APBA2: variants seen among roughly 807,000 people sequenced by gnomAD.
APBA2 encodes amyloid beta precursor protein binding family A member 2, also known as amyloid-beta A4 precursor protein-binding family A member 2.
In APBA2, 30 loss-of-function variants were observed where a neutral mutation model predicts 75.0. That is an observed-to-expected ratio of 0.40 (90% confidence interval 0.30 to 0.54). The LOEUF (loss-of-function observed/expected upper bound fraction) is 0.54, where lower values mean the gene tolerates loss of function less well. APBA2 is among the 20% of genes least tolerant of loss of function. APBA2 has a pLI of 0.49. For missense variants in APBA2, 801 were observed against 1,016.1 expected (o/e 0.79, Z 2.88); for synonymous variants, 444 against 409.6 (o/e 1.08, Z -1.01).
intron 3 of APBA2, among the ~76,000 whole-genome samples, chr15:29,005,557 T>G (rs545013425): frequency 6.6e-6 from 1 of 152,294 alleles, no homozygotes; most frequent in South Asian, 2.1e-4. Context: ...TCACTGCTCT[T>G]GCTGCTTTTT....
intron 2 of APBA2, among the ~76,000 whole-genome samples, chr15:28,962,383 A>C (rs1252805393): frequency 3.3e-5 from 5 of 151,986 alleles, no homozygotes; most frequent in Non-Finnish European, 7.4e-5. Context: ...CATCCTGGCC[A>C]ACATGGTGAA....
chr15:28,934,742 G>A (rs1331682702), intron 2 of APBA2, among the ~76,000 whole-genome samples: 2 of 152,170 alleles, frequency 1.3e-5, no homozygotes, highest in Non-Finnish European at 2.9e-5. Flanking sequence ...CCCATGCTGT[G>A]CTTGGTAAGC....
intron 3 of APBA2, among the ~76,000 whole-genome samples, chr15:29,044,750 T>C (rs1041025878): frequency 6.6e-6 from 1 of 152,194 alleles, no homozygotes; most frequent in Non-Finnish European, 1.5e-5. Context: ...GCATTACTTA[T>C]TATGCAAAAC....
In APBA2 at chr15:28,917,191, C is replaced by A. The variant is rs1005762822; in HGVS notation, c.-204-4449C>A. On this transcript the variant is annotated intron_variant, in intron 1 of 14. Transcript: ENST00000683413. ...CCATCCTCCCTGCCCTCCCTCCAAA[C>A]CCCCAGGAAAGCAGTACTGGGGAAA... Among the ~76,000 whole-genome samples, 380 of 152,228 alleles carry A rather than the reference C, an allele frequency of 2.5e-3. 5 individuals carry two copies. The highest frequency in any genetic ancestry group is 2.2e-3 in the Non-Finnish European group (153 of 68,026).
intron 3 of APBA2, among the ~76,000 whole-genome samples, chr15:29,041,274 C>G (rs1044818548): frequency 6.6e-6 from 1 of 151,914 alleles, no homozygotes; most frequent in African/African-American, 2.4e-5. Context: ...AGTTTAAGAT[C>G]GGCATGGGCA....
chr15:28,956,866 C>T (rs766327657), intron 2 of APBA2, among the ~76,000 whole-genome samples: 3 of 152,216 alleles, frequency 2.0e-5, no homozygotes, highest in Non-Finnish European at 2.9e-5. Context: ...AACGTCCTCA[C>T]GGTGCACACA....
intron 14 of APBA2, among the ~76,000 whole-genome samples, chr15:29,116,414 C>G (rs1302297798): frequency 6.6e-6 from 1 of 152,020 alleles, no homozygotes; most frequent in African/African-American, 2.4e-5. Flanking sequence ...ATCACGAGGT[C>G]GGGAGATTGA....
intron 2 of APBA2, among the ~76,000 whole-genome samples, chr15:28,993,276 G>A (rs1234154039): frequency 6.6e-6 from 1 of 152,198 alleles, no homozygotes; most frequent in Non-Finnish European, 1.5e-5. Flanking sequence ...TAGGTCACTC[G>A]AATCACACAG....
At chr15:29,058,689 T>C (rs139960146) in intron 4 of APBA2, among the ~76,000 whole-genome samples, 238 of 151,956 alleles carry the variant, frequency 1.6e-3, no homozygotes, top group South Asian at 4.4e-3. Flanking sequence ...GGCTGGGATA[T>C]GAGAGGCACA....
chr15:29,098,720 G>T, intron 9 of APBA2, 144 bp downstream of exon 9: 1 of 759,234 alleles, frequency 1.3e-6, no homozygotes, highest in Non-Finnish European at 2.3e-6. Context: ...CCCGGGCTGC[G>T]GGAGGAGCAA....
intron 6 of APBA2, among the ~76,000 whole-genome samples, chr15:29,083,656 G>A (rs1164989164): frequency 2.6e-5 from 4 of 152,016 alleles, no homozygotes; most frequent in Middle Eastern, 3.4e-3. Flanking sequence ...TCATCCTCCC[G>A]AGTAGCTGGA....
Position 29,114,135 on chromosome 15 carries a change from C to T in APBA2, c.2178+119C>T, listed in dbSNP as rs2044908327. The stretch of plus-strand genomic sequence containing the variant: ...CATCTGAAGGTCAGCCAGGCTGTGT[C>T]TCCCATCGGGGCTGCTGTGACAAGG... On this transcript the variant is annotated intron_variant, in intron 14 of 14. Coordinates refer to ENST00000683413, the MANE Select transcript of APBA2 (RefSeq NM_001353788.2). The T allele has an allele frequency of 1.1e-5, 16 of 1,437,666 alleles. No homozygotes were observed. The East Asian group carries it at 1.2e-4, about 10-fold the overall frequency. The allele number at this position is 1,437,666 out of a possible 1,614,324, so 89.1% of individuals were successfully genotyped here.
chr15:29,080,534 C>T (rs913736376), intron 6 of APBA2, among the ~76,000 whole-genome samples: 1 of 152,094 alleles, frequency 6.6e-6, no homozygotes, highest in African/African-American at 2.4e-5. Flanking sequence ...GTCTAGCGAC[C>T]CTCTCAGACT....
intron 2 of APBA2, among the ~76,000 whole-genome samples, chr15:28,934,436 T>A (rs901096053): frequency 6.6e-6 from 1 of 152,158 alleles, no homozygotes; most frequent in Non-Finnish European, 1.5e-5. Flanking sequence ...AGCTCAACGC[T>A]GGTCTTTCTG....
chr15:29,072,628 G>A (rs1195297966), intron 4 of APBA2, among the ~76,000 whole-genome samples: 1 of 152,118 alleles, frequency 6.6e-6, no homozygotes, highest in Non-Finnish European at 1.5e-5. Context: ...ACAGAGTCTC[G>A]GGTGGTCACA....
In APBA2 at chr15:29,017,437, G is replaced by C. The variant is rs907850997; in HGVS notation, c.-41+21631G>C. 1.5e-4 allele frequency among the ~76,000 whole-genome samples: 13 copies of C among 87,292 alleles called. No individual in the cohort carries two copies. The Admixed American group carries it at 2.3e-3, about 15-fold the overall frequency. The allele number at this position is 87,292 out of a possible 152,430, so 57.3% of individuals were successfully genotyped here. A position where few individuals can be genotyped will look rare whatever the true frequency, so the allele number is the denominator to read the frequency against. ...TTTTTTTGAGATGGAATCTCTCTCT[G>C]TTGCCCACTGCAACCTCCACCTCCT... is the stretch of plus-strand genomic sequence containing the variant. On this transcript the variant is annotated intron_variant, in intron 3 of 14. Coordinates refer to ENST00000683413, the MANE Select transcript of APBA2 (RefSeq NM_001353788.2).
intron 4 of APBA2, among the ~76,000 whole-genome samples, chr15:29,060,484 G>C (rs2042085290): frequency 6.6e-6 from 1 of 152,206 alleles, no homozygotes; most frequent in Admixed American, 6.5e-5. Context: ...CCTGCTGGAG[G>C]GTGAGTCAGT....
At chr15:28,995,154 C>T (rs2038448361) in intron 2 of APBA2, among the ~76,000 whole-genome samples, 1 of 152,166 alleles carries the variant, frequency 6.6e-6, no homozygotes, top group Non-Finnish European at 1.5e-5. Flanking sequence ...AGCCTGCTGG[C>T]AGTAGCTTCC....
At chr15:28,947,321 G>A (rs1343925477) in intron 2 of APBA2, among the ~76,000 whole-genome samples, 1 of 152,202 alleles carries the variant, frequency 6.6e-6, no homozygotes, top group African/African-American at 2.4e-5. Context: ...CTCTGTGGGT[G>A]TATTGGCTGC....
Sources: gnomAD v4.1 joint callset for allele counts (sites outside exome capture counted in the v4.1 genomes callset) on GRCh38, gnomAD v4.1.1 for gene constraint, MANE v1.5 for transcripts, NCBI Gene and HGNC (gene_info 2026-07-23, HGNC 2026-07-21) for gene names.